Variants in MAP4 observed in about 807,000 individuals in gnomAD.
MAP4 encodes the protein microtubule-associated protein 4.
MAP4 carries 76 observed loss-of-function variants against 170.2 expected under a neutral mutation model. The observed-to-expected ratio is 0.45, with a 90% CI of 0.37 to 0.54. The LOEUF (loss-of-function observed/expected upper bound fraction) is 0.54. Among genes scored for constraint, MAP4 ranks in the 20% least tolerant of loss-of-function variants. The pLI is 0.00. For synonymous variants in MAP4, 909 were observed against 994.5 expected (o/e 0.91, Z 1.62); for missense variants, 2,506 against 2,748.0 (o/e 0.91, Z 1.97).
chr3:48,057,906 A>T (rs968169953), intron 1 of MAP4, among the ~76,000 whole-genome samples: 18 of 152,166 alleles, frequency 1.2e-4, no homozygotes, highest in East Asian at 3.8e-4. Flanking sequence ...AAATTATTTT[A>T]AAAAACTGTG....
chr3:47,922,819 G>A (rs1322445239), intron 4 of MAP4, among the ~76,000 whole-genome samples: 1 of 152,216 alleles, frequency 6.6e-6, no homozygotes, highest in African/African-American at 2.4e-5. Flanking sequence ...GGAGGCCAAG[G>A]CGGGCGGATC....
chr3:48,047,129 A>AATAAATAC (rs1479114576), intron 1 of MAP4, among the ~76,000 whole-genome samples: 1 of 151,180 alleles, frequency 6.6e-6, no homozygotes, highest in African/African-American at 2.4e-5. Context: ...TAAATAAATA[A>AATAAATAC]ATAAAAATGT....
chr3:47,990,142 C>A (rs942251844), intron 2 of MAP4, among the ~76,000 whole-genome samples: 1 of 152,178 alleles, frequency 6.6e-6, no homozygotes, highest in Non-Finnish European at 1.5e-5. Flanking sequence ...ACACTGCCCT[C>A]TACTGGCCAA....
chr3:48,023,677 C>T (rs1190826519), intron 1 of MAP4, among the ~76,000 whole-genome samples: 1 of 152,206 alleles, frequency 6.6e-6, no homozygotes, highest in Non-Finnish European at 1.5e-5. Context: ...ATGACTTTCC[C>T]TCTGAAGTTG....
chr3:48,064,518 G>A (rs1230816243), intron 1 of MAP4, among the ~76,000 whole-genome samples: 1 of 151,940 alleles, frequency 6.6e-6, no homozygotes. Context: ...ATAAAACTCT[G>A]GTCTCCCACA....
At chr3:47,892,181 A>G in intron 10 of MAP4, 3 of 1,536,374 alleles carry the variant, frequency 2.0e-6, no homozygotes, top group Admixed American at 2.0e-5. Context: ...CCTGCTCTCA[A>G]GGTGACCTGA....
chr3:47,957,563 T>C (rs548708006), intron 3 of MAP4, among the ~76,000 whole-genome samples: 75 of 152,312 alleles, frequency 4.9e-4, no homozygotes, highest in Non-Finnish European at 9.9e-4. Context: ...TCCTCCTGCC[T>C]TGGCCTCCCA....
intron 1 of MAP4, among the ~76,000 whole-genome samples, chr3:48,071,422 C>T (rs1013158696): frequency 4.2e-4 from 64 of 151,980 alleles, no homozygotes; most frequent in African/African-American, 1.4e-3. Flanking sequence ...GTGGCACACG[C>T]CTGCAGTCCC....
chr3:48,055,817 G>A (rs988115622), intron 1 of MAP4, among the ~76,000 whole-genome samples: 6 of 140,358 alleles, frequency 4.3e-5, no homozygotes, highest in South Asian at 5.1e-4. Flanking sequence ...CTGCCCGGCC[G>A]CCCATAGTCT....
At chr3:47,893,858 T>G (rs1443067541) in intron 10 of MAP4, among the ~76,000 whole-genome samples, 1 of 152,170 alleles carries the variant, frequency 6.6e-6, no homozygotes, top group African/African-American at 2.4e-5. Context: ...AAGTTAAGAT[T>G]GTTCTTTGGT....
At chr3:47,892,560 C>T in intron 10 of MAP4, 1 of 1,447,200 alleles carries the variant, frequency 6.9e-7, no homozygotes, top group Non-Finnish European at 9.0e-7. Flanking sequence ...TCACACAGAG[C>T]TTGCAGTGAC....
chr3:47,996,883 G>C lies in MAP4; in HGVS notation c.223+1755C>G, dbSNP rs187810121. Among the ~76,000 whole-genome samples the C allele has an allele frequency of 3.3e-5, 5 of 152,206 alleles. No homozygotes were observed. In the East Asian group the frequency reaches 9.6e-4, roughly 29 times the overall value. On this transcript the variant is annotated intron_variant, in intron 2 of 20. Transcript: ENST00000683076. ...AGTAGAAAAGGTGGAAAACATAGGTGAACAGATGGGAAATTTTGACAGAAA... is the reference window on the plus strand; with the variant it reads ...AGTAGAAAAGGTGGAAAACATAGGTCAACAGATGGGAAATTTTGACAGAAA...
chr3:48,024,337 T>A (rs557815117), intron 1 of MAP4, among the ~76,000 whole-genome samples: 36 of 152,020 alleles, frequency 2.4e-4, no homozygotes, highest in Non-Finnish European at 5.9e-5. Context: ...AAAAAAATTT[T>A]AAAAATGTAC....
chr3:48,032,870 A>G (rs1199482959), intron 1 of MAP4, among the ~76,000 whole-genome samples: 4 of 152,186 alleles, frequency 2.6e-5, no homozygotes, highest in African/African-American at 9.7e-5. Context: ...TTCAAATCTT[A>G]AAGTTCTACC....
chr3:48,031,529 C>G (rs1027409040), intron 1 of MAP4, among the ~76,000 whole-genome samples: 3 of 151,740 alleles, frequency 2.0e-5, no homozygotes, highest in African/African-American at 7.3e-5. Flanking sequence ...CCAGCCTGGG[C>G]GACAGAGCAA....
intron 1 of MAP4, among the ~76,000 whole-genome samples, chr3:48,011,610 CA>C (rs1216248734): frequency 2.0e-5 from 3 of 151,392 alleles, no homozygotes; most frequent in Non-Finnish European, 2.9e-5. Context: ...CCATTTACAA[CA>C]GACGAATGTG....
At chr3:48,061,648 C>T (rs1178861253) in intron 1 of MAP4, among the ~76,000 whole-genome samples, 6 of 151,160 alleles carry the variant, frequency 4.0e-5, no homozygotes, top group African/African-American at 9.7e-5. Context: ...TCTGCCTGGC[C>T]GCCCATCGTC....
chr3:47,941,217 T>C (rs1424645581), intron 3 of MAP4, among the ~76,000 whole-genome samples: 2 of 49,914 alleles, frequency 4.0e-5, no homozygotes, highest in African/African-American at 1.9e-4. Flanking sequence ...ACCCTATCTC[T>C]ACCAAAAAAA....
In MAP4 at chr3:47,915,856, C is replaced by T. The variant is rs1192307067; in HGVS notation, c.1876+95G>A. The T allele has an allele frequency of 2.2e-6, 3 of 1,392,352 alleles. No individual in the cohort carries two copies. In the South Asian group the frequency reaches 4.1e-5, roughly 19 times the overall value. The allele number at this position is 1,392,352 out of a possible 1,614,324, so 86.2% of individuals were successfully genotyped here. A position where few individuals can be genotyped will look rare whatever the true frequency, so the allele number is the denominator to read the frequency against. ...AATAAACTTGCAAAGTACAGTGTGA[C>T]TGTCTGTACTTTACCTGGCATGATG... On this transcript the variant is annotated intron_variant, in intron 7 of 20. Coordinates refer to ENST00000683076, the MANE Select transcript of MAP4 (RefSeq NM_001385682.1).
Sources: allele counts gnomAD v4.1 joint callset (sites outside exome capture counted in the v4.1 genomes callset), GRCh38; gene constraint gnomAD v4.1.1; transcripts MANE v1.5; gene names NCBI Gene and HGNC (gene_info 2026-07-23, HGNC 2026-07-21).